The following ERC2 variants were observed in gnomAD, a reference collection of about 807,000 sequenced individuals.
The protein encoded by ERC2 is ELKS/RAB6-interacting/CAST family member 2.
Under a neutral mutation model 114.8 loss-of-function variants are expected in ERC2, and 42 were observed. The observed-to-expected ratio is 0.37, with a 90% CI of 0.29 to 0.47. The LOEUF (loss-of-function observed/expected upper bound fraction) is 0.47. ERC2 is among the 20% of genes least tolerant of loss of function. ERC2 has a pLI of 0.99. For synonymous variants in ERC2, 454 were observed against 425.5 expected (o/e 1.07, Z -0.82); for missense variants, 939 against 1,150.7 (o/e 0.82, Z 2.66).
intron 17 of ERC2, among the ~76,000 whole-genome samples, chr3:55,651,923 A>G (rs771236891): frequency 7.2e-5 from 11 of 152,172 alleles, no homozygotes; most frequent in Non-Finnish European, 1.5e-4. Context: ...GTTGCATTTC[A>G]TTTTACCCAG....
At chr3:56,392,411 T>G in intron 2 of ERC2, among the ~76,000 whole-genome samples, 1 of 152,162 alleles carries the variant, frequency 6.6e-6, no homozygotes. Context: ...TGTTGGGGCT[T>G]TATATAGGAC....
At chr3:56,029,476 A>C (rs1450989242) in intron 7 of ERC2, among the ~76,000 whole-genome samples, 3 of 152,030 alleles carry the variant, frequency 2.0e-5, no homozygotes, top group African/African-American at 4.8e-5. Flanking sequence ...CTTTTTCAGG[A>C]GCCTTTTAAC....
chr3:55,509,122 T>A lies in ERC2; in HGVS notation c.*2194A>T. On this transcript the variant is annotated 3_prime_UTR_variant, in exon 18 of 18. Transcript: ENST00000288221. ...ACTAAATTATACGACCTCATAAAGG[T>A]AAGATCAGTAATATTTTAACCAATG... The A allele has an allele frequency of 6.6e-6, 1 of 152,622 alleles. No individual in the cohort carries two copies. Among genetic ancestry groups the A allele is most frequent in the East Asian group, 1.9e-4 (1 of 5,188 alleles). 9.5% of individuals were successfully genotyped at this position (152,622 alleles called of 1,614,324 possible). A position where few individuals can be genotyped will look rare whatever the true frequency, so the allele number is the denominator to read the frequency against.
chr3:55,848,122 A>G (rs1421677046), intron 14 of ERC2, among the ~76,000 whole-genome samples: 1 of 152,156 alleles, frequency 6.6e-6, no homozygotes, highest in South Asian at 2.1e-4. Context: ...TTGAAAAAAA[A>G]CAAAACGTAA....
At chr3:56,175,285 C>T (rs144715545) in intron 3 of ERC2, among the ~76,000 whole-genome samples, 117 of 152,324 alleles carry the variant, frequency 7.7e-4, no homozygotes, top group African/African-American at 2.7e-3. Flanking sequence ...CTTTCTCAAC[C>T]TCCAATTTGA....
intron 2 of ERC2, among the ~76,000 whole-genome samples, chr3:56,315,875 A>T (rs1031625147): frequency 3.2e-4 from 49 of 152,144 alleles, no homozygotes; most frequent in African/African-American, 1.2e-3. Context: ...GTATAGAAAA[A>T]AAGAAAGTAT....
chr3:55,530,708 A>G (rs1002645397), intron 17 of ERC2, among the ~76,000 whole-genome samples: 14 of 152,210 alleles, frequency 9.2e-5, no homozygotes, highest in Non-Finnish European at 1.3e-4. Context: ...AAGAGCTGGG[A>G]AATCAGAAGG....
rs150833716 is a variant in ERC2 at position 56,005,683 on chromosome 3, G to A, written c.2061+1498C>T. On this transcript the variant is annotated intron_variant, in intron 10 of 17. Coordinates refer to ENST00000288221, the MANE Select transcript of ERC2 (RefSeq NM_015576.3). ...TTCATGCCCAGGTCTATTTGAGGCC[G>A]TCTTTCTTCTCGACTCAGCACACTG... 3.9e-3 allele frequency among the ~76,000 whole-genome samples: 597 copies of A among 152,120 alleles called. 3 individuals are homozygous for A. The highest frequency in any genetic ancestry group is 0.014 in the African/African-American group (568 of 41,538).
chr3:55,700,841 GAATC>G (rs1303324601), intron 15 of ERC2, among the ~76,000 whole-genome samples: 2 of 152,126 alleles, frequency 1.3e-5, no homozygotes, highest in African/African-American at 4.8e-5. Flanking sequence ...CCTCTCCCTA[GAATC>G]TCGCATAGGG....
At chr3:56,032,901 C>CAGAAAGAAAGAA (rs200940238) in intron 7 of ERC2, among the ~76,000 whole-genome samples, 15 of 36,922 alleles carry the variant, frequency 4.1e-4, no homozygotes, top group South Asian at 9.7e-4. Context: ...GAGAGAGAGA[C>CAGAAAGAAAGAA]AGAAAGAAAG....
intron 14 of ERC2, among the ~76,000 whole-genome samples, chr3:55,884,002 A>G (rs576437820): frequency 2.6e-5 from 4 of 152,334 alleles, no homozygotes; most frequent in East Asian, 1.9e-4. Flanking sequence ...AGGCTGGTAG[A>G]TTGTACCAAT....
chr3:55,648,607 G>C (rs940782400), intron 17 of ERC2, among the ~76,000 whole-genome samples: 1 of 152,172 alleles, frequency 6.6e-6, no homozygotes, highest in East Asian at 1.9e-4. Context: ...AGTCATACAT[G>C]AGTAACAAGA....
At chr3:55,835,393 G>T (rs893392119) in intron 14 of ERC2, among the ~76,000 whole-genome samples, 9 of 152,126 alleles carry the variant, frequency 5.9e-5, no homozygotes, top group African/African-American at 2.2e-4. Flanking sequence ...ACATCAAAAA[G>T]CTTATCCACC....
At position 56,217,147 on chromosome 3, in the gene ERC2, A is replaced by G. The variant is rs554312359; in HGVS notation, c.1075-43627T>C. On this transcript the variant is annotated intron_variant, in intron 3 of 17. Transcript: ENST00000288221. ...GTTGGAAGTTCTGGCCAGGGCAATC[A>G]GTCAGGAGAAGGAAATAAAGGGTAT... Among the ~76,000 whole-genome samples, 5 of 152,338 alleles carry G rather than the reference A, an allele frequency of 3.3e-5. No homozygotes were observed. The South Asian group carries it at 1.0e-3, about 32-fold the overall frequency.
intron 15 of ERC2, among the ~76,000 whole-genome samples, chr3:55,706,204 C>T (rs1256738838): frequency 6.6e-6 from 1 of 152,168 alleles, no homozygotes; most frequent in African/African-American, 2.4e-5. Flanking sequence ...AGGTCCTCAG[C>T]AGTGGGAGCC....
At chr3:56,078,873 T>G (rs1674382906) in intron 7 of ERC2, among the ~76,000 whole-genome samples, 2 of 149,308 alleles carry the variant, frequency 1.3e-5, no homozygotes, top group South Asian at 4.2e-4. Context: ...TTATATAAAT[T>G]TTAAAAATAC....
chr3:56,431,162 C>A (rs893576596), intron 2 of ERC2, among the ~76,000 whole-genome samples: 1 of 152,228 alleles, frequency 6.6e-6, no homozygotes, highest in South Asian at 2.1e-4. Context: ...TGGCCCTCAA[C>A]AAATGTCTAC....
At position 56,298,496 on chromosome 3, in the gene ERC2, A is replaced by G. The variant is rs1301801193; in HGVS notation, c.658-2061T>C. On this transcript the variant is annotated intron_variant, in intron 2 of 17. Transcript: ENST00000288221. ...GTCAATCAACTGGTGAATGGATGAA[A>G]TCTAGTATATCAATTTAATGGAATA... Among the ~76,000 whole-genome samples the G allele has an allele frequency of 2.0e-5, 3 of 152,202 alleles. No homozygotes were observed. In the East Asian group the frequency reaches 5.8e-4, roughly 29 times the overall value.
intron 1 of ERC2, among the ~76,000 whole-genome samples, chr3:56,437,241 A>G (rs148942473): frequency 6.6e-6 from 1 of 152,348 alleles, no homozygotes; most frequent in Non-Finnish European, 1.5e-5. Context: ...AATAGAACCA[A>G]GTTGTCCTAG....
Sources: allele counts gnomAD v4.1 joint callset (sites outside exome capture counted in the v4.1 genomes callset), GRCh38; gene constraint gnomAD v4.1.1; transcripts MANE v1.5; gene names NCBI Gene and HGNC (gene_info 2026-07-23, HGNC 2026-07-21).